The following ATP8A2 variants were observed in gnomAD, a reference collection of about 807,000 sequenced individuals.
ATP8A2 encodes phospholipid-transporting ATPase IB.
In ATP8A2, 100 loss-of-function variants were observed where a neutral mutation model predicts 165.6. The ratio of observed to expected loss-of-function variants is 0.60; its 90% CI spans 0.51 to 0.71. ATP8A2 has a LOEUF of 0.71. Among genes scored for constraint, ATP8A2 ranks in the 30% least tolerant of loss-of-function variants. The probability of loss-of-function intolerance (pLI) is 0.00; values close to 1 mark genes in which losing one functional copy is unlikely to be tolerated. For synonymous variants in ATP8A2, 543 were observed against 548.8 expected (o/e 0.99, Z 0.15); for missense variants, 1,227 against 1,479.5 (o/e 0.83, Z 2.80).
intron 30 of ATP8A2, among the ~76,000 whole-genome samples, chr13:25,847,480 A>G (rs921392915): frequency 1.3e-5 from 2 of 152,166 alleles, no homozygotes; most frequent in Non-Finnish European, 2.9e-5. Flanking sequence ...TTATGTTTCA[A>G]TGTCTCTTTT....
At chr13:25,844,838 A>G (rs1951822591) in intron 30 of ATP8A2, among the ~76,000 whole-genome samples, 1 of 152,102 alleles carries the variant, frequency 6.6e-6, no homozygotes, top group South Asian at 2.1e-4. Flanking sequence ...TTTACTAGAA[A>G]ATTCTGCCTC....
chr13:25,696,331 A>G (rs907594947), intron 24 of ATP8A2, among the ~76,000 whole-genome samples: 19 of 152,128 alleles, frequency 1.2e-4, no homozygotes, highest in African/African-American at 4.3e-4. Context: ...CAAGTCACCA[A>G]CTTCATTAGC....
At chr13:25,976,694 A>G (rs1489041836) in intron 35 of ATP8A2, among the ~76,000 whole-genome samples, 1 of 152,118 alleles carries the variant, frequency 6.6e-6, no homozygotes, top group Non-Finnish European at 1.5e-5. Context: ...CAGAGAAATC[A>G]TACCCTCCCC....
chr13:26,012,183 G>A (rs527516777), intron 35 of ATP8A2, among the ~76,000 whole-genome samples: 1 of 152,342 alleles, frequency 6.6e-6, no homozygotes, highest in South Asian at 2.1e-4. Flanking sequence ...GCAGGGGGCT[G>A]CAGGCAGGAG....
intron 2 of ATP8A2, among the ~76,000 whole-genome samples, chr13:25,476,050 A>G (rs1268026260): frequency 6.6e-6 from 1 of 152,206 alleles, no homozygotes; most frequent in Non-Finnish European, 1.5e-5. Flanking sequence ...TTCTAAAAGA[A>G]TATTTTTGTC....
intron 7 of ATP8A2, 83 bp downstream of exon 7, chr13:25,538,144 C>A: frequency 3.2e-6 from 3 of 929,908 alleles, no homozygotes; most frequent in Non-Finnish European, 5.1e-6. Flanking sequence ...CAGTCTTGAG[C>A]AGCCTGTTCC....
chr13:25,592,608 G>A (rs1026738996), intron 24 of ATP8A2, among the ~76,000 whole-genome samples: 1 of 152,182 alleles, frequency 6.6e-6, no homozygotes, highest in Non-Finnish European at 1.5e-5. Flanking sequence ...CACAGTGTCT[G>A]TACTTGAGGC....
chr13:25,441,489 G>T (rs531494559), intron 1 of ATP8A2, among the ~76,000 whole-genome samples: 4 of 152,258 alleles, frequency 2.6e-5, no homozygotes, highest in African/African-American at 9.6e-5. Context: ...GTGCGGCGTG[G>T]ACTGTGAAAT....
chr13:25,668,194 A>G (rs541199310), intron 24 of ATP8A2, among the ~76,000 whole-genome samples: 2 of 151,998 alleles, frequency 1.3e-5, no homozygotes, highest in Non-Finnish European at 2.9e-5. Context: ...AGCCTGAAGT[A>G]TTTCTCTTTA....
At chr13:25,594,367 A>G (rs1421529715) in intron 24 of ATP8A2, among the ~76,000 whole-genome samples, 2 of 152,192 alleles carry the variant, frequency 1.3e-5, no homozygotes, top group Admixed American at 1.3e-4. Context: ...TAAGTTGAAT[A>G]TGGGTGGAAG....
At position 25,862,369 on chromosome 13, in the gene ATP8A2, C is replaced by T. The variant is rs1411239745; in HGVS notation, c.3144C>T (p.Ile1048=). ...TGTTTTTTGGCATCTACTCGACCAT[C>T]TGGCCCACCATTCCCATTGCTCCAG... is the stretch of plus-strand genomic sequence containing the variant. ...WLVFFGIYST[I]WPTIPIAPDM... is the part of the protein sequence containing the mutation. Residue 1048 remains isoleucine (I), a synonymous_variant, in exon 33 of 37, where the codon ATC becomes ATT. Coordinates refer to ENST00000381655, the MANE Select transcript of ATP8A2 (RefSeq NM_016529.6). 6.2e-7 allele frequency: 1 copy of T among 1,614,078 alleles called. No homozygotes were observed. The highest frequency in any genetic ancestry group is 8.5e-7 in the Non-Finnish European group (1 of 1,179,944).
chr13:25,927,219 G>C (rs148664261), intron 33 of ATP8A2: 9,705 of 456,672 alleles, frequency 0.021, 155 homozygotes, highest in Non-Finnish European at 0.03. Context: ...CTCCTCGGCT[G>C]CTCCACACAC....
At chr13:25,667,492 T>C (rs2137728723) in intron 24 of ATP8A2, among the ~76,000 whole-genome samples, 2 of 152,276 alleles carry the variant, frequency 1.3e-5, no homozygotes, top group African/African-American at 4.8e-5. Flanking sequence ...ATCCTTTGCA[T>C]TTCCCTCTTT....
At chr13:25,461,881 A>AG (rs1161512273) in intron 1 of ATP8A2, among the ~76,000 whole-genome samples, 4 of 131,106 alleles carry the variant, frequency 3.1e-5, no homozygotes, top group Non-Finnish European at 3.4e-5. Flanking sequence ...AGGAGGAGGA[A>AG]GAAGGAGACT....
intron 24 of ATP8A2, among the ~76,000 whole-genome samples, chr13:25,628,913 C>T (rs2041169442): frequency 2.0e-5 from 3 of 152,160 alleles, no homozygotes; most frequent in Admixed American, 6.5e-5. Context: ...TAACCCATAA[C>T]ATTGCCCCTT....
rs531065456 is a variant in ATP8A2, at chr13:25,619,639, A to G, written c.2211+29940A>G. 2.0e-5 allele frequency among the ~76,000 whole-genome samples: 3 copies of G among 152,340 alleles called. No individual in the cohort carries two copies. In the East Asian group the frequency reaches 5.8e-4, roughly 29 times the overall value. The stretch of plus-strand genomic sequence containing the variant: ...CATAGAACTTCTGGAAATGAAAAAT[A>G]TCACAACAAATTAAAAATTCTAAGG... On this transcript the variant is annotated intron_variant, in intron 24 of 36. Transcript: ENST00000381655.
intron 25 of ATP8A2, among the ~76,000 whole-genome samples, chr13:25,721,844 T>C (rs2043388673): frequency 6.6e-6 from 1 of 152,236 alleles, no homozygotes. Flanking sequence ...CATTCATCAG[T>C]TGATGGACAT....
intron 22 of ATP8A2, among the ~76,000 whole-genome samples, chr13:25,581,248 G>T (rs2138240725): frequency 6.6e-6 from 1 of 152,246 alleles, no homozygotes; most frequent in Non-Finnish European, 1.5e-5. Flanking sequence ...AGTGCGGGCA[G>T]CTGGAGGGAA....
chr13:25,525,450 C>G (rs1025951007), intron 2 of ATP8A2, among the ~76,000 whole-genome samples: 7 of 152,048 alleles, frequency 4.6e-5, no homozygotes, highest in Non-Finnish European at 7.4e-5. Flanking sequence ...GTTTTTCTTT[C>G]AAATTGAAGA....
Sources: gnomAD v4.1 joint callset for allele counts (sites outside exome capture counted in the v4.1 genomes callset) on GRCh38, gnomAD v4.1.1 for gene constraint, MANE v1.5 for transcripts, NCBI Gene and HGNC (gene_info 2026-07-23, HGNC 2026-07-21) for gene names.